DUS3L: variants seen among roughly 807,000 people sequenced by gnomAD.
DUS3L encodes dihydrouridine synthase 3 like.
DUS3L carries 62 observed loss-of-function variants against 74.6 expected under a neutral mutation model. That is an observed-to-expected ratio of 0.83 (90% CI 0.68 to 1.03). The LOEUF (loss-of-function observed/expected upper bound fraction) is 1.03. DUS3L is among the 50% of genes least tolerant of loss of function. The pLI is 0.00. For missense variants in DUS3L, 884 were observed against 924.4 expected (o/e 0.96, Z 0.57); for synonymous variants, 433 against 395.7 (o/e 1.09, Z -1.12).
At chr19:5,789,849 C>T in intron 2 of DUS3L, 130 bp from the exon 3 acceptor site, 3 of 1,332,424 alleles carry the variant, frequency 2.3e-6, no homozygotes, top group South Asian at 2.8e-5. Context: ...CTCACCGTGC[C>T]TCTGCATCTC....
chr19:5,789,117 C>A, intron 3 of DUS3L, 90 bp downstream of exon 3: 1 of 1,476,848 alleles, frequency 6.8e-7, no homozygotes, highest in South Asian at 1.4e-5. Flanking sequence ...GACTCCCAGG[C>A]AGCTAGAACA....
At chr19:5,787,783 G>A (rs2056868651) in intron 5 of DUS3L, 78 bp from the exon 6 acceptor site, 10 of 1,532,258 alleles carry the variant, frequency 6.5e-6, no homozygotes, top group South Asian at 3.4e-5. Flanking sequence ...CCTCCCCACT[G>A]GGGGGCCCTG....
chr19:5,788,215 G>T, intron 4 of DUS3L, 39 bp from the exon 5 acceptor site: 1 of 1,610,218 alleles, frequency 6.2e-7, no homozygotes, highest in Non-Finnish European at 8.5e-7. Context: ...GCTCTTGCAC[G>T]CGCACACACA....
rs1196840511 is a variant in DUS3L at position 5,790,060 on chromosome 19, G to C, written c.374C>G (p.Pro125Arg). The C allele has an allele frequency of 2.5e-6, 4 of 1,613,906 alleles. No individual in the cohort carries two copies. Among genetic ancestry groups the C allele is most frequent in the Non-Finnish European group, 3.4e-6 (4 of 1,179,826 alleles). Reference sequence around the variant, plus strand: ...GGCCGCACTTGCCTGGATTAGGGAGGGACACAGCCTGTTCTTGTCGTAGTT... The same window carrying C: ...GGCCGCACTTGCCTGGATTAGGGAGCGACACAGCCTGTTCTTGTCGTAGTT... ...PTNYDKNRLC[P>R]SLIQESAAKC... Residue 125 changes from proline to arginine, a missense_variant, in exon 2 of 13, where the codon CCC becomes CGC. By Grantham distance (103) the Pro-to-Arg change is moderately radical. Coordinates refer to ENST00000309061, the MANE Select transcript of DUS3L (RefSeq NM_020175.3).
In DUS3L at chr19:5,788,096, G is replaced by A. The variant is rs762849369; in HGVS notation, c.1023C>T (p.Asn341=). Residue 341 remains asparagine, a synonymous_variant, in exon 5 of 13, where the codon AAC becomes AAT. Coordinates refer to ENST00000309061, the MANE Select transcript of DUS3L (RefSeq NM_020175.3). ...VTCGEMAVCT[N]LLQGQMSEWA... is the part of the protein sequence containing the mutation. ...ACTCGGACATCTGGCCCTGCAGCAG[G>A]TTGGTGCAGACGGCCATCTCTCCAC... 2.5e-6 allele frequency: 4 copies of A among 1,613,776 alleles called. No individual in the cohort carries two copies. In the Admixed American group the frequency reaches 5.0e-5, roughly 20 times the overall value.
rs1488146596 is a variant in DUS3L at position 5,787,087 on chromosome 19, G to A, written c.1363C>T (p.Arg455Trp). The change falls in exon 8 of 13, where the codon CGG becomes TGG. Residue 455 changes from arginine to tryptophan, a missense_variant. Transcript: ENST00000309061. The part of the protein sequence containing the change: ...NLAHRLLPEL[R>W]DWGVALVTLH... ...GTGACGAGTGCCACGCCCCAGTCCC[G>A]CAGCTCGGGCAGCAGGCGGTGCGCC... The A allele has an allele frequency of 2.0e-6, 3 of 1,480,252 alleles. No homozygotes were observed. Among genetic ancestry groups the A allele is most frequent in the Admixed American group, 4.4e-5 (2 of 45,558 alleles). The allele number at this position is 1,480,252 out of a possible 1,614,324, so 91.7% of individuals were successfully genotyped here. A position where few individuals can be genotyped will look rare whatever the true frequency, so the allele number is the denominator to read the frequency against.
chr19:5,788,143 G>T lies in DUS3L; in HGVS notation c.976C>A (p.Arg326Ser). The change falls in exon 5 of 13, where the codon CGC becomes AGC. Residue 326 changes from arginine (R) to serine (S), a missense_variant. Physicochemically the swap from Arg to Ser is moderately radical, Grantham distance 110. Transcript: ENST00000309061. Reference sequence around the variant, plus strand: ...CCACATGTCACATCCGCCCCGAAGCGCTTGCAGATCCGTCGGAAGGGCAGG... The same window carrying T: ...CCACATGTCACATCCGCCCCGAAGCTCTTGCAGATCCGTCGGAAGGGCAGG... Reference protein sequence around the residue: ...GNLPFRRICKRFGADVTCGEM... With the variant: ...GNLPFRRICKSFGADVTCGEM... 6.2e-7 allele frequency: 1 copy of T among 1,613,582 alleles called. No homozygotes were observed. The highest frequency in any genetic ancestry group is 1.1e-5 in the South Asian group (1 of 91,088).
At position 5,790,189 on chromosome 19, in the gene DUS3L, G is replaced by C. The variant is rs756991246; in HGVS notation, c.245C>G (p.Thr82Arg). Residue 82 changes from threonine to arginine, a missense_variant, in exon 2 of 13, where the codon ACG becomes AGG. Physicochemically the swap from Thr to Arg is moderately conservative, Grantham distance 71. Coordinates refer to ENST00000309061, the MANE Select transcript of DUS3L (RefSeq NM_020175.3). ...TGCCTCCTCCGTCTGCCCGTCCGCC[G>C]TCTGTCCATCCTCCAGTCGGATCCG... ...AKRIRLEDGQTADGQTEEAAE... is the reference protein window; with the variant it reads ...AKRIRLEDGQRADGQTEEAAE... The C allele has an allele frequency of 1.2e-6, 2 of 1,614,114 alleles. No individual in the cohort carries two copies. The highest frequency in any genetic ancestry group is 1.3e-5 in the African/African-American group (1 of 75,024).
At chr19:5,788,427 A>G (rs1200032452) in intron 3 of DUS3L, 29 bp from the exon 4 acceptor site, 1 of 1,604,952 alleles carries the variant, frequency 6.2e-7, no homozygotes, top group Non-Finnish European at 8.5e-7. Flanking sequence ...ACACAAGTGG[A>G]GCTTGGCCTC....
At chr19:5,790,879 C>G (rs2144740412) in intron 1 of DUS3L, 165 bp downstream of exon 1, 1 of 672,622 alleles carries the variant, frequency 1.5e-6, no homozygotes, top group Admixed American at 2.7e-5. Context: ...TGCACGATCT[C>G]AGGTACCTCC....
At chr19:5,789,835 GCACC>G in intron 2 of DUS3L, 116 bp from the exon 3 acceptor site, 4 of 1,397,918 alleles carry the variant, frequency 2.9e-6, no homozygotes, top group Non-Finnish European at 2.9e-6. Flanking sequence ...AGCAAGTCAG[GCACC>G]TCACCGTGCC....
intron 3 of DUS3L, among the ~76,000 whole-genome samples, chr19:5,788,724 T>G (rs2056879443): frequency 6.8e-6 from 1 of 146,062 alleles, no homozygotes; most frequent in Non-Finnish European, 1.5e-5. Context: ...TTTTTTTTTT[T>G]GAGATAGAGT....
At chr19:5,789,112 C>T in intron 3 of DUS3L, 95 bp downstream of exon 3, 2 of 1,473,036 alleles carry the variant, frequency 1.4e-6, no homozygotes, top group Non-Finnish European at 1.8e-6. Context: ...CCTCTGACTC[C>T]CAGGCAGCTA....
intron 10 of DUS3L, among the ~76,000 whole-genome samples, chr19:5,786,213 T>G (rs1326526374): frequency 6.6e-6 from 1 of 152,026 alleles, no homozygotes; most frequent in East Asian, 1.9e-4. Context: ...CCTCCCAAAG[T>G]GCTGGGATTA....
Position 5,785,757 on chromosome 19 carries a change from T to C in DUS3L, c.1597A>G (p.Ile533Val). The stretch of plus-strand genomic sequence containing the variant: ...ATGTCCCAGTGCCGCTGCTCCTTGA[T>C]CTCCGTGAAGAGCCACGGCTTGAGC... ...ALLKPWLFTE[I>V]KEQRHWDISS... Residue 533 changes from isoleucine to valine, a missense_variant, in exon 11 of 13, where the codon ATC becomes GTC. Physicochemically the swap from Ile to Val is conservative, Grantham distance 29. Transcript: ENST00000309061. 10 of 1,609,322 alleles carry C rather than the reference T, an allele frequency of 6.2e-6. No homozygotes were observed. The highest frequency in any genetic ancestry group is 5.9e-6 in the Non-Finnish European group (7 of 1,178,930).
Position 5,785,621 on chromosome 19 carries a change from C to T in DUS3L, c.1733G>A (p.Trp578Ter), listed in dbSNP as rs766452533. 1 of 1,608,250 alleles carries T rather than the reference C, an allele frequency of 6.2e-7. No individual in the cohort carries two copies. The highest frequency in any genetic ancestry group is 2.2e-5 in the East Asian group (1 of 44,782). Reference sequence around the variant, plus strand: ...TGCCCACCGGCACAGGAAGGACAGCCACTCGAGCAGAAAGCGCCGGGTCTT... The same window carrying T: ...TGCCCACCGGCACAGGAAGGACAGCTACTCGAGCAGAAAGCGCCGGGTCTT... ...VEKTRRFLLE[W>*]LSFLCRYVPV... Residue 578 changes from tryptophan (W) to a stop codon, truncating the protein, a stop_gained, in exon 11 of 13, where the codon TGG becomes TAG. Coordinates refer to ENST00000309061, the MANE Select transcript of DUS3L (RefSeq NM_020175.3). LOFTEE classifies it high-confidence loss of function.
At chr19:5,787,245 G>GTGGGAAGT (rs752619891) in intron 7 of DUS3L, 51 bp downstream of exon 7, 7 of 1,091,322 alleles carry the variant, frequency 6.4e-6, no homozygotes, top group Non-Finnish European at 8.5e-6. Flanking sequence ...GTGGGAGACA[G>GTGGGAAGT]GGCCCGGGGG....
rs191240703 is a variant in DUS3L, at chr19:5,786,569, G to A, written c.1487-27C>T. 141 of 1,610,210 alleles carry A rather than the reference G, an allele frequency of 8.8e-5. No individual in the cohort carries two copies. In the East Asian group the frequency reaches 1.5e-3, roughly 17 times the overall value. On this transcript the variant is annotated intron_variant, in intron 9 of 12. Coordinates refer to ENST00000309061, the MANE Select transcript of DUS3L (RefSeq NM_020175.3). ...TGAGGAGACAGAGGCTGGGGTCTCA[G>A]GGAGACATGGGCAGGTGGGACCCTG...
chr19:5,789,957 GC>G, intron 2 of DUS3L, 89 bp downstream of exon 2: 12 of 1,539,374 alleles, frequency 7.8e-6, no homozygotes, highest in African/African-American at 1.4e-5. Context: ...GTTGCTGAAG[GC>G]CCAGGAGCTT....
Sources: allele counts gnomAD v4.1 joint callset (sites outside exome capture counted in the v4.1 genomes callset), GRCh38; gene constraint gnomAD v4.1.1; transcripts MANE v1.5; gene names NCBI Gene and HGNC (gene_info 2026-07-23, HGNC 2026-07-21).